The following RPTOR variants were observed in gnomAD, a reference collection of about 807,000 sequenced individuals.
The protein encoded by RPTOR is regulatory-associated protein of mTOR.
In RPTOR, 21 loss-of-function variants were observed where a neutral mutation model predicts 169.9. The ratio of observed to expected loss-of-function variants is 0.12; its 90% CI spans 0.09 to 0.18. The LOEUF is 0.18. Among genes scored for constraint, RPTOR ranks in the 10% least tolerant of loss-of-function variants. RPTOR has a pLI of 1.00. For missense variants in RPTOR, 1,133 were observed against 1,855.9 expected (o/e 0.61, Z 7.16); for synonymous variants, 732 against 753.2 (o/e 0.97, Z 0.46).
rs569932964 is a variant in RPTOR, at chr17:80,726,382, C to T, written c.508-4178C>T. On this transcript the variant is annotated intron_variant, in intron 4 of 33. Coordinates refer to ENST00000306801, the MANE Select transcript of RPTOR (RefSeq NM_020761.3). The surrounding 1 kb of genome is among the most constrained non-coding windows in gnomAD (Gnocchi z 4.5). Reference sequence around the variant, plus strand: ...CCTGGTGCTCGCCGCCCACAGATCACGGGGCGTGGAGGGAGAGACTGCCAG... The same window carrying T: ...CCTGGTGCTCGCCGCCCACAGATCATGGGGCGTGGAGGGAGAGACTGCCAG... 1.3e-5 allele frequency among the ~76,000 whole-genome samples: 2 copies of T among 152,328 alleles called. No homozygotes were observed. Among genetic ancestry groups the T allele is most frequent in the South Asian group, 2.1e-4 (1 of 4,828 alleles).
At chr17:80,837,696 C>T (rs1277131175) in intron 9 of RPTOR, among the ~76,000 whole-genome samples, 2 of 152,158 alleles carry the variant, frequency 1.3e-5, no homozygotes, top group East Asian at 1.9e-4. Flanking sequence ...ATGCTGGCAG[C>T]GCCAGCGTTC....
chr17:80,676,832 A>G (rs1416297157), intron 3 of RPTOR, among the ~76,000 whole-genome samples: 1 of 152,206 alleles, frequency 6.6e-6, no homozygotes, highest in Non-Finnish European at 1.5e-5. Flanking sequence ...TGCAGGGCTC[A>G]TCGCTAGCCA....
intron 1 of RPTOR, among the ~76,000 whole-genome samples, chr17:80,604,157 C>G (rs922927584): frequency 6.6e-6 from 1 of 152,226 alleles, no homozygotes; most frequent in Non-Finnish European, 1.5e-5. Flanking sequence ...ATGTACATCA[C>G]CACTTTCAAT....
intron 4 of RPTOR, among the ~76,000 whole-genome samples, chr17:80,718,396 T>C (rs1291736752): frequency 1.3e-5 from 2 of 152,234 alleles, no homozygotes; most frequent in African/African-American, 2.4e-5. Flanking sequence ...ATGGATCTTA[T>C]CATGGAGAGC....
intron 3 of RPTOR, among the ~76,000 whole-genome samples, chr17:80,690,500 G>T (rs1436710368): frequency 2.0e-5 from 3 of 152,144 alleles, no homozygotes; most frequent in Non-Finnish European, 2.9e-5. Flanking sequence ...TTCTGCAGTT[G>T]ATTGGTTGAA....
At chr17:80,600,062 T>A (rs1386183438) in intron 1 of RPTOR, among the ~76,000 whole-genome samples, 2 of 152,154 alleles carry the variant, frequency 1.3e-5, no homozygotes, top group African/African-American at 4.8e-5. Flanking sequence ...GTGAGCTCCG[T>A]TCCTAAGGCT....
intron 6 of RPTOR, among the ~76,000 whole-genome samples, chr17:80,781,852 A>T (rs1036642021): frequency 3.3e-5 from 5 of 152,162 alleles, no homozygotes; most frequent in African/African-American, 9.7e-5. Flanking sequence ...AGGGGCTATG[A>T]TTGTGCGTGG....
intron 6 of RPTOR, among the ~76,000 whole-genome samples, chr17:80,785,652 GA>G (rs2066983702): frequency 6.6e-6 from 1 of 152,174 alleles, no homozygotes. Context: ...TACATTGCTG[GA>G]GGAATGTTTT....
At position 80,957,451 on chromosome 17, in the gene RPTOR, A is replaced by T. The variant is rs1216931786; in HGVS notation, c.3371-173A>T. 6.6e-6 allele frequency among the ~76,000 whole-genome samples: 1 copy of T among 152,230 alleles called. No homozygotes were observed. Among genetic ancestry groups the T allele is most frequent in the Non-Finnish European group, 1.5e-5 (1 of 68,038 alleles). On this transcript the variant is annotated intron_variant, in intron 28 of 33. Coordinates refer to ENST00000306801, the MANE Select transcript of RPTOR (RefSeq NM_020761.3). This position sits in a 1 kb window ranked among gnomAD's most constrained non-coding sequence, Gnocchi z 4.6. ...TGTCACCCCAGCCTGGACGTGGGGC[A>T]CACCAGGGTCCCTAGCGGGAGCTCA...
At chr17:80,859,560 C>T (rs1483987904) in intron 13 of RPTOR, among the ~76,000 whole-genome samples, 4 of 152,158 alleles carry the variant, frequency 2.6e-5, no homozygotes, top group African/African-American at 7.2e-5. Flanking sequence ...CTGGGGGTGC[C>T]GCCACGGGTG....
At chr17:80,619,708 C>T (rs139610995) in intron 1 of RPTOR, among the ~76,000 whole-genome samples, 11 of 152,292 alleles carry the variant, frequency 7.2e-5, no homozygotes, top group African/African-American at 2.2e-4. Context: ...GAAATGTTAA[C>T]GTGGTGAGTG....
At chr17:80,569,598 C>T (rs1222462874) in intron 1 of RPTOR, among the ~76,000 whole-genome samples, 1 of 152,018 alleles carries the variant, frequency 6.6e-6, no homozygotes, top group Non-Finnish European at 1.5e-5. Context: ...AACTATGGCC[C>T]CTTGCTTGTT....
chr17:80,956,229 A>G (rs536208055), intron 28 of RPTOR, among the ~76,000 whole-genome samples: 145 of 152,352 alleles, frequency 9.5e-4, no homozygotes, highest in Admixed American at 2.7e-3. Flanking sequence ...TATGAAAAAA[A>G]AAAAAAAGAG....
At chr17:80,757,648 G>A (rs781743175) in intron 6 of RPTOR, among the ~76,000 whole-genome samples, 1 of 152,064 alleles carries the variant, frequency 6.6e-6, no homozygotes, top group Admixed American at 6.5e-5. Flanking sequence ...GCAATATTTT[G>A]ATACCTGTAT....
intron 21 of RPTOR, among the ~76,000 whole-genome samples, chr17:80,919,063 C>T (rs2068714549): frequency 6.6e-6 from 1 of 152,252 alleles, no homozygotes; most frequent in African/African-American, 2.4e-5. Context: ...TCTCTTCCCG[C>T]AGCGCCTAGG....
chr17:80,754,233 C>T lies in RPTOR; in HGVS notation c.830+48C>T. On this transcript the variant is annotated intron_variant, in intron 6 of 33. Transcript: ENST00000306801. This position sits in a 1 kb window ranked among gnomAD's most constrained non-coding sequence, Gnocchi z 4.2. ...CTGGGACCCACTCAACTGGGCTCTC[C>T]CGCAGGGACCCCAACCCATGTGGGC... 1 of 1,524,036 alleles carries T rather than the reference C, an allele frequency of 6.6e-7. No homozygotes were observed. The highest frequency in any genetic ancestry group is 8.8e-7 in the Non-Finnish European group (1 of 1,130,886). The allele number at this position is 1,524,036 out of a possible 1,614,324, so 94.4% of individuals were successfully genotyped here. A position where few individuals can be genotyped will look rare whatever the true frequency, so the allele number is the denominator to read the frequency against.
At position 80,893,882 on chromosome 17, in the gene RPTOR, C is replaced by T. The variant is rs2068365326; in HGVS notation, c.2401+17C>T. The T allele has an allele frequency of 6.6e-7, 1 of 1,511,160 alleles. No homozygotes were observed. Among genetic ancestry groups the T allele is most frequent in the Non-Finnish European group, 8.9e-7 (1 of 1,128,564 alleles). The allele number at this position is 1,511,160 out of a possible 1,614,324, so 93.6% of individuals were successfully genotyped here. On this transcript the variant is annotated intron_variant, in intron 20 of 33. Coordinates refer to ENST00000306801, the MANE Select transcript of RPTOR (RefSeq NM_020761.3). ...CCCTCATCGGTGAGTCCGCCTGCCC[C>T]TTTCTGCTTCCGAGGGGCCCCGAGG... is the stretch of plus-strand genomic sequence containing the variant.
At chr17:80,689,604 G>T (rs2143736478) in intron 3 of RPTOR, among the ~76,000 whole-genome samples, 1 of 152,342 alleles carries the variant, frequency 6.6e-6, no homozygotes, top group South Asian at 2.1e-4. Context: ...TTGCTGACCT[G>T]CAGCGAAAAG....
intron 3 of RPTOR, among the ~76,000 whole-genome samples, chr17:80,703,007 T>TGGGCCCTGCAGTGAACCC (rs1444829864): frequency 6.6e-6 from 1 of 152,210 alleles, no homozygotes; most frequent in Admixed American, 6.5e-5. Flanking sequence ...CAGCGATCTG[T>TGGGCCCTGCAGTGAACCC]GGGCCCTGCA....
Sources: gnomAD v4.1 joint callset for allele counts (sites outside exome capture counted in the v4.1 genomes callset) on GRCh38, gnomAD v4.1.1 for gene constraint, Gnocchi (gnomAD v3.1) non-coding constraint, MANE v1.5 for transcripts, NCBI Gene and HGNC (gene_info 2026-07-23, HGNC 2026-07-21) for gene names.